The following SLCO5A1 variants were observed in gnomAD, a reference collection of about 807,000 sequenced individuals.
SLCO5A1 encodes solute carrier organic anion transporter family member 5A1, also known as organic anion transporter polypeptide-related protein 4.
In SLCO5A1, 39 loss-of-function variants were observed where a neutral mutation model predicts 65.1. The observed-to-expected ratio is 0.60, with a 90% CI of 0.46 to 0.78. SLCO5A1 has a LOEUF of 0.78. SLCO5A1 is among the 30% of genes least tolerant of loss of function. The pLI is 0.00. For missense variants in SLCO5A1, 1,029 were observed against 1,069.4 expected (o/e 0.96, Z 0.53); for synonymous variants, 438 against 415.7 (o/e 1.05, Z -0.65).
chr8:69,784,835 GAAAGAAAGAAA>G (rs1818950231), intron 2 of SLCO5A1, among the ~76,000 whole-genome samples: 1 of 129,538 alleles, frequency 7.7e-6, no homozygotes, highest in Non-Finnish European at 1.6e-5. Flanking sequence ...AAGAAAGAAA[GAAAGAAAGAAA>G]GAAAGAAAGA....
At chr8:69,762,096 C>A (rs183843303) in intron 2 of SLCO5A1, among the ~76,000 whole-genome samples, 1 of 152,004 alleles carries the variant, frequency 6.6e-6, no homozygotes, top group East Asian at 1.9e-4. Flanking sequence ...ATTGGGAGAG[C>A]TTTTTGGTGG....
chr8:69,779,862 A>G (rs182197223), intron 2 of SLCO5A1, among the ~76,000 whole-genome samples: 116 of 152,340 alleles, frequency 7.6e-4, no homozygotes, highest in Middle Eastern at 6.8e-3. Context: ...AACAGAGTGA[A>G]CAGTCAACCT....
At chr8:69,687,320 C>G (rs1028251440) in intron 6 of SLCO5A1, among the ~76,000 whole-genome samples, 1 of 152,042 alleles carries the variant, frequency 6.6e-6, no homozygotes, top group Non-Finnish European at 1.5e-5. Context: ...ATCAACAAAG[C>G]GCAGTATGTC....
chr8:69,735,459 T>C (rs201419933), intron 5 of SLCO5A1, among the ~76,000 whole-genome samples: 1 of 152,180 alleles, frequency 6.6e-6, no homozygotes, highest in East Asian at 1.9e-4. Context: ...GAAAATGTGG[T>C]ACATATGCAC....
Position 69,790,202 on chromosome 8 carries a change from A to AG in SLCO5A1, c.908-28328_908-28327insC, listed in dbSNP as rs1182509732. Among the ~76,000 whole-genome samples the AG allele has an allele frequency of 6.6e-5, 10 of 151,630 alleles. No homozygotes were observed. In the East Asian group the frequency reaches 1.9e-3, roughly 29 times the overall value. ...GCGAGACTCCTTCTCAAAAAAAAAAAAAAAAAAAAGGAGTGTAATTGGATT... is the reference window on the plus strand; with the variant it reads ...GCGAGACTCCTTCTCAAAAAAAAAAAGAAAAAAAAAGGAGTGTAATTGGATT... On this transcript the variant is annotated intron_variant, in intron 2 of 9. Transcript: ENST00000260126.
At chr8:69,826,381 T>C (rs1220202886) in intron 2 of SLCO5A1, among the ~76,000 whole-genome samples, 1 of 151,810 alleles carries the variant, frequency 6.6e-6, no homozygotes, top group Non-Finnish European at 1.5e-5. Context: ...AACCTACTCA[T>C]CTGACAAAGG....
In SLCO5A1 at chr8:69,705,234, G is replaced by C. The variant is rs201089097; in HGVS notation, c.1424-5C>G. ...CACTGGGGACGATAATAACCCCTGGGGAGAAGAGAAGGAGAGGATTAATTT... is the reference window on the plus strand; with the variant it reads ...CACTGGGGACGATAATAACCCCTGGCGAGAAGAGAAGGAGAGGATTAATTT... On this transcript the variant is annotated splice_polypyrimidine_tract_variant and splice_region_variant and intron_variant, in intron 5 of 9. Transcript: ENST00000260126. 1.5e-5 allele frequency: 24 copies of C among 1,613,256 alleles called. No individual in the cohort carries two copies. Among genetic ancestry groups the C allele is most frequent in the Non-Finnish European group, 2.0e-5 (23 of 1,179,360 alleles).
At chr8:69,724,725 C>T (rs1488541729) in intron 5 of SLCO5A1, among the ~76,000 whole-genome samples, 1 of 152,130 alleles carries the variant, frequency 6.6e-6, no homozygotes. Context: ...TCTATCCTGG[C>T]CATATTTAAG....
At chr8:69,699,933 A>T (rs1189681621) in intron 6 of SLCO5A1, among the ~76,000 whole-genome samples, 1 of 152,220 alleles carries the variant, frequency 6.6e-6, no homozygotes, top group East Asian at 1.9e-4. Flanking sequence ...AGCCTGGGCA[A>T]CATAGAGTGA....
At chr8:69,745,110 G>T (rs748134200) in intron 4 of SLCO5A1, among the ~76,000 whole-genome samples, 15 of 152,102 alleles carry the variant, frequency 9.9e-5, no homozygotes, top group Non-Finnish European at 2.1e-4. Flanking sequence ...TATTTTTGTT[G>T]TATTAACTGG....
At chr8:69,782,706 C>T (rs747924157) in intron 2 of SLCO5A1, among the ~76,000 whole-genome samples, 4 of 151,784 alleles carry the variant, frequency 2.6e-5, no homozygotes, top group Non-Finnish European at 5.9e-5. Flanking sequence ...TTCTATCACA[C>T]AACACTTCAA....
At chr8:69,789,348 G>A (rs1819170102) in intron 2 of SLCO5A1, among the ~76,000 whole-genome samples, 1 of 152,202 alleles carries the variant, frequency 6.6e-6, no homozygotes, top group Admixed American at 6.5e-5. Flanking sequence ...TTAAAACCTA[G>A]GAGAATAAAC....
chr8:69,743,060 A>G (rs183805056), intron 4 of SLCO5A1, among the ~76,000 whole-genome samples: 3 of 152,186 alleles, frequency 2.0e-5, no homozygotes, highest in East Asian at 3.9e-4. Context: ...TCGGCCTCCC[A>G]AAGTGCTGGG....
intron 2 of SLCO5A1, among the ~76,000 whole-genome samples, chr8:69,807,313 G>C (rs537457843): frequency 1.3e-5 from 2 of 152,060 alleles, no homozygotes; most frequent in African/African-American, 4.8e-5. Context: ...AGGATAATTC[G>C]CATACCTATT....
chr8:69,682,729 G>T (rs935431009), intron 6 of SLCO5A1, among the ~76,000 whole-genome samples: 1 of 152,064 alleles, frequency 6.6e-6, no homozygotes, highest in African/African-American at 2.4e-5. Flanking sequence ...TTTATAAAAT[G>T]GAGAAAATAC....
intron 5 of SLCO5A1, among the ~76,000 whole-genome samples, chr8:69,727,098 T>G (rs1816116526): frequency 6.6e-6 from 1 of 152,178 alleles, no homozygotes; most frequent in Admixed American, 6.5e-5. Flanking sequence ...GCCTACAAGG[T>G]TCACTAGACT....
intron 2 of SLCO5A1, among the ~76,000 whole-genome samples, chr8:69,815,788 C>A (rs1396572677): frequency 1.3e-5 from 2 of 151,818 alleles, no homozygotes; most frequent in African/African-American, 2.4e-5. Flanking sequence ...CTGATGGGAA[C>A]TAAATTAACT....
intron 5 of SLCO5A1, among the ~76,000 whole-genome samples, chr8:69,730,670 C>T (rs965776514): frequency 1.3e-5 from 2 of 152,182 alleles, no homozygotes; most frequent in African/African-American, 4.8e-5. Flanking sequence ...TGCCTTATAA[C>T]TATGGGTCCT....
chr8:69,784,647 G>C lies in SLCO5A1; in HGVS notation c.908-22772C>G, dbSNP rs557861242. On this transcript the variant is annotated intron_variant, in intron 2 of 9. Transcript: ENST00000260126. The stretch of plus-strand genomic sequence containing the variant: ...TACTAAAAATACAAAAATTAGACAG[G>C]CATGGTGGTGTGTGCTTGTAATCCC... Among the ~76,000 whole-genome samples the C allele has an allele frequency of 2.1e-3, 318 of 151,856 alleles. 3 individuals carry two copies. The highest frequency in any genetic ancestry group is 3.6e-3 in the Non-Finnish European group (242 of 67,970).
Sources: allele counts gnomAD v4.1 joint callset (sites outside exome capture counted in the v4.1 genomes callset), GRCh38; gene constraint gnomAD v4.1.1; transcripts MANE v1.5; gene names NCBI Gene and HGNC (gene_info 2026-07-23, HGNC 2026-07-21).